The following ABTB2 variants were observed in gnomAD, a reference collection of about 807,000 sequenced individuals.
ABTB2 encodes the protein ankyrin repeat and BTB domain containing 2.
In ABTB2, 56 loss-of-function variants were observed where a neutral mutation model predicts 104.1. The observed-to-expected ratio is 0.54, with a 90% CI of 0.43 to 0.67. The LOEUF is 0.67. Among genes scored for constraint, ABTB2 ranks in the 30% least tolerant of loss-of-function variants. The probability of loss-of-function intolerance (pLI) is 0.00; values close to 1 mark genes in which losing one functional copy is unlikely to be tolerated. For missense variants in ABTB2, 1,279 were observed against 1,407.7 expected, an observed-to-expected ratio of 0.91 and a Z score of 1.46; for synonymous variants, 606 against 608.2, an observed-to-expected ratio of 1.00 and a Z score of 0.05.
Position 34,216,989 on chromosome 11 carries a change from C to T in ABTB2, c.884-12299G>A, listed in dbSNP as rs148373478. On this transcript the variant is annotated intron_variant, in intron 1 of 16. Coordinates refer to ENST00000435224, the MANE Select transcript of ABTB2 (RefSeq NM_145804.3). ...CTTTCCGTGGCAATGACCTGATAAC[C>T]TGGAAGTTACCAACCTCATCCTAGA... 1.6e-3 allele frequency among the ~76,000 whole-genome samples: 249 copies of T among 152,312 alleles called. 3 individuals carry two copies. The highest frequency in any genetic ancestry group is 5.9e-3 in the African/African-American group (244 of 41,566).
At chr11:34,226,069 G>T (rs964655277) in intron 1 of ABTB2, among the ~76,000 whole-genome samples, 1 of 151,848 alleles carries the variant, frequency 6.6e-6, no homozygotes, top group Non-Finnish European at 1.5e-5. Context: ...GCCGAGTGTT[G>T]CGTGCGCCTG....
intron 1 of ABTB2, among the ~76,000 whole-genome samples, chr11:34,305,369 C>T (rs75807578): frequency 2.2e-3 from 337 of 152,322 alleles, no homozygotes; most frequent in African/African-American, 7.9e-3. Flanking sequence ...ACACTTCTCT[C>T]CTCAAAGAGG....
chr11:34,257,485 A>T (rs762955286), intron 1 of ABTB2, among the ~76,000 whole-genome samples: 1 of 152,186 alleles, frequency 6.6e-6, no homozygotes, highest in Admixed American at 6.5e-5. Context: ...AGCCTCTAGA[A>T]CTTTCTGTAA....
At chr11:34,186,627 G>A (rs1002335057) in intron 3 of ABTB2, among the ~76,000 whole-genome samples, 2 of 152,198 alleles carry the variant, frequency 1.3e-5, no homozygotes, top group Non-Finnish European at 2.9e-5. Context: ...TGCGAGGACC[G>A]GTGGGTCCAA....
chr11:34,287,885 G>A (rs969906309), intron 1 of ABTB2, among the ~76,000 whole-genome samples: 1 of 152,076 alleles, frequency 6.6e-6, no homozygotes, highest in Non-Finnish European at 1.5e-5. Flanking sequence ...AAAAGTGAAA[G>A]GATGCATGTT....
intron 1 of ABTB2, among the ~76,000 whole-genome samples, chr11:34,342,427 T>C (rs925941166): frequency 1.3e-5 from 2 of 152,142 alleles, no homozygotes; most frequent in African/African-American, 2.4e-5. Flanking sequence ...AGGAAATCAC[T>C]GCATGTGCTT....
rs77219460 is a variant in ABTB2, at chr11:34,197,229, G to A, written c.1244+96C>T. The stretch of plus-strand genomic sequence containing the variant: ...AGCACAGTTCCAGGGCCCCTTCCTC[G>A]CCCTGTTGGTCAGTCGTCAGTCAGT... On this transcript the variant is annotated intron_variant, in intron 3 of 16. Transcript: ENST00000435224. The A allele has an allele frequency of 0.016, 21,564 of 1,359,092 alleles. 216 individuals carry two copies. Among genetic ancestry groups the A allele is most frequent in the Non-Finnish European group, 0.02 (18,700 of 956,488 alleles). The allele number at this position is 1,359,092 out of a possible 1,614,324, so 84.2% of individuals were successfully genotyped here.
chr11:34,267,970 G>A (rs145388297), intron 1 of ABTB2, among the ~76,000 whole-genome samples: 3 of 152,250 alleles, frequency 2.0e-5, no homozygotes, highest in African/African-American at 7.2e-5. Flanking sequence ...TGGCTCTGTT[G>A]CCCAGGCTGG....
chr11:34,354,790 T>G (rs929946930), intron 1 of ABTB2, among the ~76,000 whole-genome samples: 2 of 152,252 alleles, frequency 1.3e-5, no homozygotes, highest in Admixed American at 1.3e-4. Flanking sequence ...ACCCTTATTC[T>G]TGTTTGGCTT....
At chr11:34,285,240 G>A (rs1854490597) in intron 1 of ABTB2, among the ~76,000 whole-genome samples, 2 of 152,124 alleles carry the variant, frequency 1.3e-5, no homozygotes, top group African/African-American at 2.4e-5. Flanking sequence ...GGGAGGGGAG[G>A]TTTCCCCGAG....
intron 14 of ABTB2, among the ~76,000 whole-genome samples, chr11:34,156,984 T>A (rs187370873): frequency 2.0e-5 from 3 of 152,348 alleles, no homozygotes; most frequent in Admixed American, 6.5e-5. Flanking sequence ...GACAGTACTG[T>A]CTAGATGTCC....
chr11:34,226,931 C>A (rs536383168), intron 1 of ABTB2, among the ~76,000 whole-genome samples: 1 of 152,092 alleles, frequency 6.6e-6, no homozygotes, highest in Non-Finnish European at 1.5e-5. Context: ...CATGGTGTGG[C>A]AGTGTACGCC....
At chr11:34,188,067 C>T (rs1853125265) in intron 3 of ABTB2, among the ~76,000 whole-genome samples, 1 of 152,154 alleles carries the variant, frequency 6.6e-6, no homozygotes. Context: ...ATGTAGCTAC[C>T]TTATTCGCCC....
In ABTB2 at chr11:34,269,778, T is replaced by A. The variant is rs138791133; in HGVS notation, c.884-65088A>T. Among the ~76,000 whole-genome samples the A allele has an allele frequency of 5.3e-5, 8 of 152,370 alleles. No homozygotes were observed. The East Asian group carries it at 1.5e-3, about 29-fold the overall frequency. On this transcript the variant is annotated intron_variant, in intron 1 of 16. Coordinates refer to ENST00000435224, the MANE Select transcript of ABTB2 (RefSeq NM_145804.3). Reference sequence around the variant, plus strand: ...GGCCCACTGGCCCTAGCTTGTCAACTCCTGATTTCCACACTCAGAGAGGTT... The same window carrying A: ...GGCCCACTGGCCCTAGCTTGTCAACACCTGATTTCCACACTCAGAGAGGTT...
chr11:34,201,242 C>T (rs575286977), intron 2 of ABTB2, among the ~76,000 whole-genome samples: 8 of 152,004 alleles, frequency 5.3e-5, no homozygotes, highest in African/African-American at 1.9e-4. Context: ...AGAAACACCC[C>T]CCAGGCAAGG....
intron 1 of ABTB2, among the ~76,000 whole-genome samples, chr11:34,327,231 G>A (rs920298612): frequency 2.0e-5 from 3 of 152,198 alleles, no homozygotes; most frequent in Admixed American, 6.5e-5. Flanking sequence ...TTACGCAAAC[G>A]TATCAAAAGA....
chr11:34,303,232 C>T (rs1483554645), intron 1 of ABTB2, among the ~76,000 whole-genome samples: 2 of 152,224 alleles, frequency 1.3e-5, no homozygotes, highest in Non-Finnish European at 2.9e-5. Context: ...AGGTCACTTC[C>T]TGTGCTGAGC....
At chr11:34,315,017 G>A (rs893000850) in intron 1 of ABTB2, among the ~76,000 whole-genome samples, 5 of 152,232 alleles carry the variant, frequency 3.3e-5, no homozygotes, top group Non-Finnish European at 7.3e-5. Context: ...GGCCGCTGCA[G>A]ATTATCTTAC....
Position 34,151,504 on chromosome 11 carries a change from AGG to A in ABTB2, c.*881_*882del. ...ATTAAAGGAGCCGAGAGACTTGACC[AGG>A]GGACTCTGCTTCATCGCCCCCACAA... On this transcript the variant is annotated 3_prime_UTR_variant, in exon 17 of 17. Coordinates refer to ENST00000435224, the MANE Select transcript of ABTB2 (RefSeq NM_145804.3). The A allele has an allele frequency of 6.6e-6, 1 of 152,250 alleles. No individual in the cohort carries two copies. The highest frequency in any genetic ancestry group is 1.5e-5 in the Non-Finnish European group (1 of 68,052). 9.4% of individuals were successfully genotyped at this position (152,250 alleles called of 1,614,324 possible). A position where few individuals can be genotyped will look rare whatever the true frequency, so the allele number is the denominator to read the frequency against.
Sources: gnomAD v4.1 joint callset for allele counts (sites outside exome capture counted in the v4.1 genomes callset) on GRCh38, gnomAD v4.1.1 for gene constraint, MANE v1.5 for transcripts, NCBI Gene and HGNC (gene_info 2026-07-23, HGNC 2026-07-21) for gene names.